The following ZFHX4 variants were observed in gnomAD, a reference collection of about 807,000 sequenced individuals.
The protein encoded by ZFHX4 is zinc finger homeobox protein 4.
Under a neutral mutation model 267.6 loss-of-function variants are expected in ZFHX4, and 56 were observed. The ratio of observed to expected loss-of-function variants is 0.21; its 90% confidence interval spans 0.17 to 0.26. ZFHX4 has a LOEUF of 0.26. Among genes scored for constraint, ZFHX4 ranks in the 10% least tolerant of loss-of-function variants. The pLI is 1.00. For missense variants in ZFHX4, 4,332 were observed against 4,420.0 expected, an observed-to-expected ratio of 0.98 and a Z score of 0.56; for synonymous variants, 1,778 against 1,665.6, an observed-to-expected ratio of 1.07 and a Z score of -1.64.
chr8:76,686,746 G>T (rs1807701551), intron 1 of ZFHX4, among the ~76,000 whole-genome samples: 1 of 152,126 alleles, frequency 6.6e-6, no homozygotes, highest in African/African-American at 2.4e-5. Context: ...CCTTTGAGAA[G>T]ATACTCGTTA....
intron 4 of ZFHX4, among the ~76,000 whole-genome samples, chr8:76,797,631 G>C (rs1349664755): frequency 6.6e-6 from 1 of 152,114 alleles, no homozygotes; most frequent in Non-Finnish European, 1.5e-5. Context: ...AACTTGTTCT[G>C]CTGAACAAGG....
chr8:76,833,430 A>G, intron 5 of ZFHX4, 24 bp downstream of exon 5: 1 of 1,565,686 alleles, frequency 6.4e-7, no homozygotes, highest in Non-Finnish European at 8.7e-7. Flanking sequence ...CTCCTTCTCA[A>G]AATATTTCCT....
intron 3 of ZFHX4, among the ~76,000 whole-genome samples, chr8:76,728,793 T>A (rs967776390): frequency 6.6e-6 from 1 of 152,304 alleles, no homozygotes; most frequent in Admixed American, 6.5e-5. Context: ...CCCTGAATTA[T>A]CAAGGTTTCT....
At chr8:76,685,638 T>C (rs1807674582) in intron 1 of ZFHX4, among the ~76,000 whole-genome samples, 1 of 152,246 alleles carries the variant, frequency 6.6e-6, no homozygotes, top group Non-Finnish European at 1.5e-5. Context: ...TTGAAGCTTC[T>C]TTCTTATTAG....
chr8:76,737,318 C>T (rs1306835765), intron 3 of ZFHX4, among the ~76,000 whole-genome samples: 4 of 152,118 alleles, frequency 2.6e-5, no homozygotes, highest in Non-Finnish European at 5.9e-5. Flanking sequence ...ATTTAAAAAG[C>T]TTGTGCATTT....
intron 1 of ZFHX4, among the ~76,000 whole-genome samples, chr8:76,695,039 T>C (rs183492727): frequency 3.4e-4 from 51 of 152,008 alleles, no homozygotes; most frequent in African/African-American, 1.2e-3. Flanking sequence ...GAGTCGGTCA[T>C]GGCTTAGATT....
intron 4 of ZFHX4, among the ~76,000 whole-genome samples, chr8:76,779,812 A>G (rs1339172796): frequency 6.6e-6 from 1 of 152,104 alleles, no homozygotes; most frequent in Non-Finnish European, 1.5e-5. Context: ...CGAACCTATA[A>G]AGATATTTCA....
intron 5 of ZFHX4, among the ~76,000 whole-genome samples, chr8:76,839,278 T>C (rs968829986): frequency 1.2e-4 from 18 of 152,208 alleles, no homozygotes; most frequent in African/African-American, 4.1e-4. Context: ...TTATTTTAAA[T>C]ATAGCCAATG....
At chr8:76,696,152 A>C (rs929187454) in intron 1 of ZFHX4, among the ~76,000 whole-genome samples, 7 of 152,214 alleles carry the variant, frequency 4.6e-5, no homozygotes, top group Non-Finnish European at 1.0e-4. Context: ...AATTGGGCCC[A>C]GATAATTATT....
At chr8:76,799,581 T>A (rs1184974526) in intron 4 of ZFHX4, among the ~76,000 whole-genome samples, 3 of 152,170 alleles carry the variant, frequency 2.0e-5, no homozygotes, top group Admixed American at 6.6e-5. Flanking sequence ...ACAGTTTCCA[T>A]AACTAAATAA....
intron 10 of ZFHX4, 148 bp from the exon 11 acceptor site, chr8:76,862,946 G>A (rs897544978): frequency 4.2e-6 from 5 of 1,177,332 alleles, no homozygotes; most frequent in Non-Finnish European, 4.5e-6. Context: ...TGAAGTTCTA[G>A]GTGGTGATCA....
At chr8:76,798,858 C>T (rs918908523) in intron 4 of ZFHX4, among the ~76,000 whole-genome samples, 8 of 152,018 alleles carry the variant, frequency 5.3e-5, no homozygotes, top group Admixed American at 3.9e-4. Flanking sequence ...CATAATGGAA[C>T]CATACATTGA....
chr8:76,822,450 C>CTGTTTTTTT (rs1418711368), intron 4 of ZFHX4, among the ~76,000 whole-genome samples: 3 of 137,414 alleles, frequency 2.2e-5, no homozygotes, highest in Non-Finnish European at 3.1e-5. Flanking sequence ...CTGTGTCTAC[C>CTGTTTTTTT]TCTTTTTTTT....
At chr8:76,782,457 A>G (rs1448707026) in intron 4 of ZFHX4, among the ~76,000 whole-genome samples, 1 of 152,022 alleles carries the variant, frequency 6.6e-6, no homozygotes, top group Admixed American at 6.6e-5. Context: ...GTAGAGATGG[A>G]AAGAAATAGT....
chr8:76,737,087 T>C (rs1404078554), intron 3 of ZFHX4, among the ~76,000 whole-genome samples: 1 of 152,158 alleles, frequency 6.6e-6, no homozygotes, highest in African/African-American at 2.4e-5. Context: ...TACCAAATCC[T>C]AAAAATGGAT....
intron 3 of ZFHX4, among the ~76,000 whole-genome samples, chr8:76,745,376 G>A (rs1014358839): frequency 6.6e-6 from 1 of 152,146 alleles, no homozygotes; most frequent in African/African-American, 2.4e-5. Flanking sequence ...TCCTTTTTGT[G>A]TAGGTATAGT....
chr8:76,849,301 G>T (rs1244200775), intron 7 of ZFHX4, among the ~76,000 whole-genome samples, 173 bp downstream of exon 7: 1 of 152,100 alleles, frequency 6.6e-6, no homozygotes, highest in Non-Finnish European at 1.5e-5. Flanking sequence ...CATTAACTAT[G>T]TTGAAATAGC....
Position 76,854,543 on chromosome 8 carries a change from A to C in ZFHX4, c.7622A>C (p.Asp2541Ala). ...ATGGACATGCCCTACATGATATTTG[A>C]CCCCAACAATCCGCTGATGACTGGA... The part of the protein sequence containing the change: ...RPMDMPYMIF[D>A]PNNPLMTGQL... The change falls in exon 10 of 11, where the codon GAC becomes GCC. Residue 2541 changes from aspartate (D) to alanine (A), a missense_variant. This residue lies in a region of ZFHX4 where 1,648 missense variants were observed against 1,625.0 expected (regional missense o/e 1.01). Transcript: ENST00000651372. The C allele has an allele frequency of 6.2e-7, 1 of 1,613,758 alleles. No individual in the cohort carries two copies. Among genetic ancestry groups the C allele is most frequent in the Non-Finnish European group, 8.5e-7 (1 of 1,179,858 alleles).
chr8:76,856,490 G>A, intron 10 of ZFHX4, 190 bp downstream of exon 10: 3 of 660,052 alleles, frequency 4.5e-6, no homozygotes, highest in Admixed American at 2.5e-5. Flanking sequence ...AACACACACA[G>A]AAAAATAAAG....
Sources: allele counts gnomAD v4.1 joint callset (sites outside exome capture counted in the v4.1 genomes callset), GRCh38; gene constraint gnomAD v4.1.1; regional missense constraint gnomAD v4.1.1; transcripts MANE v1.5; gene names NCBI Gene and HGNC (gene_info 2026-07-23, HGNC 2026-07-21).